HHLA2: variants seen among roughly 807,000 people sequenced by gnomAD.
HHLA2 encodes HERV-H LTR-associating protein 2.
Under a neutral mutation model 45.9 loss-of-function variants are expected in HHLA2, and 48 were observed. That is an observed-to-expected ratio of 1.05 (90% CI 0.83 to 1.33). HHLA2 has a LOEUF of 1.33. Among genes scored for constraint, HHLA2 ranks in the 40% most tolerant of loss-of-function variants. HHLA2 has a pLI of 0.00. For missense variants in HHLA2, 462 were observed against 494.3 expected (o/e 0.93, Z 0.62); for synonymous variants, 161 against 173.9 (o/e 0.93, Z 0.59).
intron 2 of HHLA2, among the ~76,000 whole-genome samples, chr3:108,321,091 T>TAAAAAAAAAAAAAAAAAA (rs67374827): frequency 5.9e-5 from 6 of 101,418 alleles, no homozygotes; most frequent in Admixed American, 1.1e-4. Context: ...TCCAGGTGTT[T>TAAAAAAAAAAAAAAAAAA]AAAAAAAAAA....
intron 7 of HHLA2, among the ~76,000 whole-genome samples, chr3:108,361,427 GC>G (rs1406728652): frequency 1.3e-5 from 2 of 152,004 alleles, no homozygotes; most frequent in African/African-American, 4.8e-5. Flanking sequence ...TCATGATATC[GC>G]AGTGCTTGTG....
At chr3:108,317,082 C>T (rs2081114917) in intron 2 of HHLA2, among the ~76,000 whole-genome samples, 1 of 152,162 alleles carries the variant, frequency 6.6e-6, no homozygotes, top group South Asian at 2.1e-4. Context: ...AAATTGCAAT[C>T]CAGTCCTGGT....
Position 108,334,959 on chromosome 3 carries a change from T to C in HHLA2, c.-27+6612T>C, listed in dbSNP as rs529408209. Among the ~76,000 whole-genome samples, 25 of 152,324 alleles carry C rather than the reference T, an allele frequency of 1.6e-4. No homozygotes were observed. The South Asian group carries it at 4.4e-3, about 27-fold the overall frequency. On this transcript the variant is annotated intron_variant, in intron 3 of 10. Coordinates refer to ENST00000619531, the Ensembl canonical transcript of HHLA2. The stretch of plus-strand genomic sequence containing the variant: ...TTCTCACTGCAACTGCTGTTCCATA[T>C]GTTGTCCCCTCATTGGAGCAAATTA...
intron 3 of HHLA2, among the ~76,000 whole-genome samples, chr3:108,335,483 C>T (rs957810725): frequency 1.3e-5 from 2 of 152,152 alleles, no homozygotes; most frequent in African/African-American, 4.8e-5. Flanking sequence ...GAAAGCCTCC[C>T]ATTAGGTAGA....
At chr3:108,361,597 TAAGA>T (rs762862842) in intron 7 of HHLA2, among the ~76,000 whole-genome samples, 1 of 152,150 alleles carries the variant, frequency 6.6e-6, no homozygotes, top group Non-Finnish European at 1.5e-5. Context: ...AGATCTACAG[TAAGA>T]AAGAATCTTC....
chr3:108,325,279 G>A (rs1000609441), intron 2 of HHLA2, among the ~76,000 whole-genome samples: 1 of 152,076 alleles, frequency 6.6e-6, no homozygotes, highest in Non-Finnish European at 1.5e-5. Flanking sequence ...TGCTTTAAAC[G>A]TTCCACAAAC....
intron 2 of HHLA2, among the ~76,000 whole-genome samples, chr3:108,321,086 G>A (rs72937759): frequency 4.5e-3 from 147 of 32,336 alleles, no homozygotes; most frequent in African/African-American, 0.011. Context: ...ATTTCTCCAG[G>A]TGTTTAAAAA....
At chr3:108,312,559 T>C (rs2081037590) in intron 2 of HHLA2, among the ~76,000 whole-genome samples, 1 of 152,304 alleles carries the variant, frequency 6.6e-6, no homozygotes, top group African/African-American at 2.4e-5. Flanking sequence ...GCTATGATGT[T>C]TCCCCGGGGG....
At chr3:108,371,309 A>T (rs1225288195) in intron 8 of HHLA2, among the ~76,000 whole-genome samples, 2 of 152,202 alleles carry the variant, frequency 1.3e-5, no homozygotes, top group Admixed American at 1.3e-4. Context: ...CCTGCCCTAA[A>T]AGAGCTCCTG....
At chr3:108,301,783 C>A (rs1368200236) in intron 1 of HHLA2, among the ~76,000 whole-genome samples, 1 of 152,112 alleles carries the variant, frequency 6.6e-6, no homozygotes, top group African/African-American at 2.4e-5. Flanking sequence ...CTTCTTGGAA[C>A]CAAGCAGCAT....
intron 8 of HHLA2, among the ~76,000 whole-genome samples, chr3:108,363,227 C>A (rs778945590): frequency 6.6e-6 from 1 of 152,114 alleles, no homozygotes; most frequent in Non-Finnish European, 1.5e-5. Flanking sequence ...TCTAGTTGAT[C>A]TCCACATTTT....
At chr3:108,329,251 A>G (rs192252781) in intron 3 of HHLA2, among the ~76,000 whole-genome samples, 209 of 152,344 alleles carry the variant, frequency 1.4e-3, no homozygotes, top group Middle Eastern at 3.4e-3. Context: ...CCTGAAAAGC[A>G]TGACCTAACA....
In HHLA2 at chr3:108,323,094, C is replaced by G. The variant is rs142298005; in HGVS notation, c.-104-5176C>G. Among the ~76,000 whole-genome samples, 385 of 147,722 alleles carry G rather than the reference C, an allele frequency of 2.6e-3. 4 individuals carry two copies. Among genetic ancestry groups the G allele is most frequent in the African/African-American group, 9.3e-3 (368 of 39,758 alleles). ...GACCTCACCTCTTTTTCTGCTTTAT[C>G]CATTTCTTAAAAAACAAAAACAATC... On this transcript the variant is annotated intron_variant, in intron 2 of 10. Coordinates refer to ENST00000619531, the Ensembl canonical transcript of HHLA2.
At chr3:108,339,844 C>T (rs955514030) in intron 3 of HHLA2, among the ~76,000 whole-genome samples, 11 of 152,118 alleles carry the variant, frequency 7.2e-5, no homozygotes, top group African/African-American at 2.4e-4. Context: ...GGCTGGACCT[C>T]TCTCATTTGG....
At chr3:108,338,151 CTATG>C (rs1383422886) in intron 3 of HHLA2, among the ~76,000 whole-genome samples, 1 of 150,780 alleles carries the variant, frequency 6.6e-6, no homozygotes, top group African/African-American at 2.4e-5. Flanking sequence ...AATTTGATAT[CTATG>C]TATCATATAT....
chr3:108,359,760 A>C (rs1233560420), intron 7 of HHLA2, among the ~76,000 whole-genome samples: 1 of 152,132 alleles, frequency 6.6e-6, no homozygotes, highest in Admixed American at 6.5e-5. Flanking sequence ...TAACATTCCT[A>C]CTTAATCTCT....
At chr3:108,330,029 A>G (rs547810009) in intron 3 of HHLA2, among the ~76,000 whole-genome samples, 1 of 152,024 alleles carries the variant, frequency 6.6e-6, no homozygotes, top group Non-Finnish European at 1.5e-5. Flanking sequence ...AAACTCATTC[A>G]TGTGGCTGCT....
intron 6 of HHLA2, among the ~76,000 whole-genome samples, chr3:108,356,298 AG>A (rs1325831580): frequency 6.6e-6 from 1 of 152,038 alleles, no homozygotes; most frequent in African/African-American, 2.4e-5. Flanking sequence ...CCAAAGTGCT[AG>A]GATTACAGGC....
At chr3:108,313,511 G>T (rs143509363) in intron 2 of HHLA2, among the ~76,000 whole-genome samples, 10 of 152,314 alleles carry the variant, frequency 6.6e-5, no homozygotes, top group African/African-American at 2.2e-4. Flanking sequence ...GGTTGTGTGT[G>T]CATGTGTTGT....
Sources: allele counts gnomAD v4.1 joint callset (sites outside exome capture counted in the v4.1 genomes callset), GRCh38; gene constraint gnomAD v4.1.1; transcripts MANE v1.5; gene names NCBI Gene and HGNC (gene_info 2026-07-23, HGNC 2026-07-21).